The following PCDHGB2 variants were observed in gnomAD, a reference collection of about 807,000 sequenced individuals.
PCDHGB2 encodes protocadherin gamma-B2.
PCDHGB2 carries 55 observed loss-of-function variants against 59.3 expected under a neutral mutation model. The ratio of observed to expected loss-of-function variants is 0.93; its 90% confidence interval spans 0.75 to 1.16. The LOEUF (loss-of-function observed/expected upper bound fraction) is 1.16, where lower values mean the gene tolerates loss of function less well. Among genes scored for constraint, PCDHGB2 ranks in the 50% most tolerant of loss-of-function variants. PCDHGB2 has a pLI of 0.00. For missense variants in PCDHGB2, 1,228 were observed against 1,198.5 expected, an observed-to-expected ratio of 1.02 and a Z score of -0.36; for synonymous variants, 516 against 512.0, an observed-to-expected ratio of 1.01 and a Z score of -0.11.
At chr5:141,395,992 T>G (rs915228194) in intron 1 of PCDHGB2, 3 of 152,184 alleles carry the variant, frequency 2.0e-5, no homozygotes, top group African/African-American at 7.2e-5. Context: ...TAAAATGTAA[T>G]TTTAAACTGT....
chr5:141,364,168 ACTCTGCTCCCT>A, intron 1 of PCDHGB2: 1 of 748,396 alleles, frequency 1.3e-6, no homozygotes, highest in Non-Finnish European at 2.0e-6. Flanking sequence ...AGGCGACCCG[ACTCTGCTCCCT>A]CCATACTAAA....
chr5:141,458,273 G>C, intron 1 of PCDHGB2, among the ~76,000 whole-genome samples: 1 of 152,158 alleles, frequency 6.6e-6, no homozygotes, highest in Non-Finnish European at 1.5e-5. Context: ...AGGAACAACA[G>C]GGTTCCTGGT....
intron 1 of PCDHGB2, chr5:141,375,002 CTAGACTAT>C (rs1771028356): frequency 6.2e-7 from 1 of 1,613,890 alleles, no homozygotes; most frequent in Non-Finnish European, 8.5e-7. Flanking sequence ...TTCTGCAAAT[CTAGACTAT>C]GAGGACTCGA....
intron 1 of PCDHGB2, chr5:141,384,772 G>A: frequency 6.2e-7 from 1 of 1,613,920 alleles, no homozygotes. Flanking sequence ...GTACACGGGC[G>A]AGGTGCGCAC....
chr5:141,481,835 C>T (rs892868552), intron 1 of PCDHGB2, among the ~76,000 whole-genome samples: 5 of 149,932 alleles, frequency 3.3e-5, no homozygotes, highest in Non-Finnish European at 7.4e-5. Flanking sequence ...GCAGGAGAAT[C>T]GCTTGATGGT....
At chr5:141,366,418 A>C (rs371439517) in intron 1 of PCDHGB2, 1 of 1,614,106 alleles carries the variant, frequency 6.2e-7, no homozygotes, top group East Asian at 2.2e-5. Context: ...TTGTGGTGGC[A>C]GTGGCTGCAG....
intron 1 of PCDHGB2, among the ~76,000 whole-genome samples, chr5:141,453,049 G>C (rs1287375098): frequency 1.3e-5 from 2 of 152,222 alleles, no homozygotes; most frequent in East Asian, 3.9e-4. Context: ...TCTATTATGT[G>C]CAGTTTTAGA....
At chr5:141,393,707 T>TG in intron 1 of PCDHGB2, 2 of 1,613,882 alleles carry the variant, frequency 1.2e-6, no homozygotes, top group South Asian at 2.2e-5. Context: ...ATGAAAATAC[T>TG]GGGGAAATAT....
rs753202774 is a variant in PCDHGB2, at chr5:141,487,875, C to A, written c.2422-6932C>A. 33 of 828,628 alleles carry A rather than the reference C, an allele frequency of 4.0e-5. No individual in the cohort carries two copies. Among genetic ancestry groups the A allele is most frequent in the Non-Finnish European group, 5.8e-5 (31 of 536,030 alleles). The allele number at this position is 828,628 out of a possible 1,614,324, so 51.3% of individuals were successfully genotyped here. A position where few individuals can be genotyped will look rare whatever the true frequency, so the allele number is the denominator to read the frequency against. The stretch of plus-strand genomic sequence containing the variant: ...AAGTAATTGGTGATCAAGAGCCAGG[C>A]TGTTGTGGAAGCATGATGATGGAAT... On this transcript the variant is annotated intron_variant, in intron 1 of 3. Coordinates refer to ENST00000522605, the MANE Select transcript of PCDHGB2 (RefSeq NM_018923.3). The surrounding 1 kb of genome is among the most constrained non-coding windows in gnomAD (Gnocchi z 5.0).
At chr5:141,492,962 C>A (rs1197532146) in intron 1 of PCDHGB2, among the ~76,000 whole-genome samples, 2 of 152,258 alleles carry the variant, frequency 1.3e-5, no homozygotes, top group African/African-American at 2.4e-5. Flanking sequence ...CTATCTGACA[C>A]TCTAACAAGT....
intron 1 of PCDHGB2, chr5:141,365,086 A>G: frequency 6.2e-7 from 1 of 1,613,892 alleles, no homozygotes; most frequent in Non-Finnish European, 8.5e-7. Context: ...TGAGTGTTCC[A>G]GAGAACATAC....
chr5:141,389,223 G>C lies in PCDHGB2; in HGVS notation c.2421+26667G>C, dbSNP rs570029585. 4 of 1,613,876 alleles carry C rather than the reference G, an allele frequency of 2.5e-6. No individual in the cohort carries two copies. Among genetic ancestry groups the C allele is most frequent in the South Asian group, 2.2e-5 (2 of 91,090 alleles). Reference sequence around the variant, plus strand: ...GCACATTGGTGATGTAAATGACAACGCTCCGGTTTTCTCACAGTCTTCCTA... The same window carrying C: ...GCACATTGGTGATGTAAATGACAACCCTCCGGTTTTCTCACAGTCTTCCTA... On this transcript the variant is annotated intron_variant, in intron 1 of 3. Coordinates refer to ENST00000522605, the MANE Select transcript of PCDHGB2 (RefSeq NM_018923.3).
At chr5:141,394,338 T>C in intron 1 of PCDHGB2, 2 of 1,614,048 alleles carry the variant, frequency 1.2e-6, no homozygotes, top group Non-Finnish European at 1.7e-6. Flanking sequence ...CTCCATCAAC[T>C]CTGACACCGG....
At position 141,393,612 on chromosome 5, in the gene PCDHGB2, A is replaced by G. The variant is rs1171689277; in HGVS notation, c.2421+31056A>G. Reference sequence around the variant, plus strand: ...CACGCGGCTGCTTACTGTAACAGCCAGCGACCCGGATGAGGGAATCAACGG... The same window carrying G: ...CACGCGGCTGCTTACTGTAACAGCCGGCGACCCGGATGAGGGAATCAACGG... On this transcript the variant is annotated intron_variant, in intron 1 of 3. Coordinates refer to ENST00000522605, the MANE Select transcript of PCDHGB2 (RefSeq NM_018923.3). 6.2e-7 allele frequency: 1 copy of G among 1,613,840 alleles called. No homozygotes were observed. Among genetic ancestry groups the G allele is most frequent in the Non-Finnish European group, 8.5e-7 (1 of 1,179,908 alleles).
intron 1 of PCDHGB2, chr5:141,409,037 T>G (rs770619339): frequency 1.2e-6 from 2 of 1,613,992 alleles, no homozygotes; most frequent in South Asian, 2.2e-5. Context: ...TGAGATAAAC[T>G]ACTACTTCCG....
At chr5:141,460,122 G>A (rs530307574) in intron 1 of PCDHGB2, among the ~76,000 whole-genome samples, 2 of 151,928 alleles carry the variant, frequency 1.3e-5, no homozygotes, top group African/African-American at 4.8e-5. Flanking sequence ...TTTTATATAT[G>A]TAATATATAT....
chr5:141,403,196 G>C lies in PCDHGB2; in HGVS notation c.2421+40640G>C, dbSNP rs762413220. 13 of 1,613,868 alleles carry C rather than the reference G, an allele frequency of 8.1e-6. No individual in the cohort carries two copies. The highest frequency in any genetic ancestry group is 1.6e-4 in the Middle Eastern group (1 of 6,078). On this transcript the variant is annotated intron_variant, in intron 1 of 3. Transcript: ENST00000522605. ...GCTTTTCTCTCTGAACCCGCGCAGC[G>C]GCACCTTGGTCACCGCGGGTAGGAT...
Position 141,382,148 on chromosome 5 carries a change from G to T in PCDHGB2, c.2421+19592G>T, listed in dbSNP as rs368948292. 1.1e-3 allele frequency among the ~76,000 whole-genome samples: 162 copies of T among 151,932 alleles called. 4 individuals are homozygous for T. In the South Asian group the frequency reaches 0.024, roughly 23 times the overall value. Reference sequence around the variant, plus strand: ...TGGCCCCCCCTCTCATTTTTTAAACGGTTAAAATGAAGGTGTTAGACCGTC... The same window carrying T: ...TGGCCCCCCCTCTCATTTTTTAAACTGTTAAAATGAAGGTGTTAGACCGTC... On this transcript the variant is annotated intron_variant, in intron 1 of 3. Coordinates refer to ENST00000522605, the MANE Select transcript of PCDHGB2 (RefSeq NM_018923.3).
rs550161736 is a variant in PCDHGB2, at chr5:141,427,826, G to T, written c.2421+65270G>T. ...GCGCACAGAGCGGGGTGGTGGTCGCGCAGCGTGCCTTCGACCACGAGCAGC... is the reference window on the plus strand; with the variant it reads ...GCGCACAGAGCGGGGTGGTGGTCGCTCAGCGTGCCTTCGACCACGAGCAGC... On this transcript the variant is annotated intron_variant, in intron 1 of 3. Coordinates refer to ENST00000522605, the MANE Select transcript of PCDHGB2 (RefSeq NM_018923.3). The T allele has an allele frequency of 2.6e-6, 4 of 1,536,502 alleles. No individual in the cohort carries two copies. The East Asian group carries it at 6.8e-5, about 26-fold the overall frequency.
Sources: gnomAD v4.1 joint callset for allele counts (sites outside exome capture counted in the v4.1 genomes callset) on GRCh38, gnomAD v4.1.1 for gene constraint, Gnocchi (gnomAD v3.1) non-coding constraint, MANE v1.5 for transcripts, NCBI Gene and HGNC (gene_info 2026-07-23, HGNC 2026-07-21) for gene names.